The following TTLL5 variants were observed in gnomAD, a reference collection of about 807,000 sequenced individuals.
TTLL5 encodes the protein tubulin tyrosine ligase like 5.
Under a neutral mutation model 168.4 loss-of-function variants are expected in TTLL5, and 132 were observed. That is an observed-to-expected ratio of 0.78 (90% CI 0.68 to 0.91). The LOEUF is 0.91. Among genes scored for constraint, TTLL5 ranks in the 40% least tolerant of loss-of-function variants. The pLI is 0.00. For missense variants in TTLL5, 1,545 were observed against 1,581.5 expected (o/e 0.98, Z 0.39); for synonymous variants, 546 against 558.6 (o/e 0.98, Z 0.32).
intron 28 of TTLL5, among the ~76,000 whole-genome samples, chr14:75,845,339 C>T (rs1896486897): frequency 6.6e-6 from 1 of 152,192 alleles, no homozygotes; most frequent in Non-Finnish European, 1.5e-5. Context: ...TGGAATGAGA[C>T]ATACCGAAGG....
chr14:75,853,940 A>G (rs1466801965), intron 28 of TTLL5, among the ~76,000 whole-genome samples: 1 of 152,090 alleles, frequency 6.6e-6, no homozygotes, highest in Non-Finnish European at 1.5e-5. Flanking sequence ...TCTGCTCAAG[A>G]GGCTGAGGCA....
In TTLL5 at chr14:75,880,327, A is replaced by G. The variant is rs190416373; in HGVS notation, c.3523-2358A>G. On this transcript the variant is annotated intron_variant, in intron 29 of 31. Coordinates refer to ENST00000298832, the MANE Select transcript of TTLL5 (RefSeq NM_015072.5). ...GAAAAAATTATGAATTTGAAAATATAGTTGTCACCGTGGCAACATTTATTG... is the reference window on the plus strand; with the variant it reads ...GAAAAAATTATGAATTTGAAAATATGGTTGTCACCGTGGCAACATTTATTG... Among the ~76,000 whole-genome samples the G allele has an allele frequency of 1.9e-3, 294 of 152,366 alleles. 1 individual carries two copies. The highest frequency in any genetic ancestry group is 6.8e-3 in the Middle Eastern group (2 of 294).
intron 17 of TTLL5, among the ~76,000 whole-genome samples, chr14:75,746,052 C>T (rs1327038248): frequency 6.6e-6 from 1 of 152,084 alleles, no homozygotes; most frequent in Admixed American, 6.6e-5. Context: ...CCCTCGTAGC[C>T]CTCTTTATCC....
At chr14:75,733,254 T>C (rs560237754) in intron 13 of TTLL5, among the ~76,000 whole-genome samples, 76 of 152,292 alleles carry the variant, frequency 5.0e-4, no homozygotes, top group African/African-American at 1.7e-3. Flanking sequence ...AAGTATATTA[T>C]ACTATACTTT....
chr14:75,829,170 A>G (rs113606486), intron 28 of TTLL5, among the ~76,000 whole-genome samples: 2,677 of 152,282 alleles, frequency 0.018, 91 homozygotes, highest in African/African-American at 0.061. Flanking sequence ...CATGGAAAAG[A>G]AAAGGTGTGA....
At chr14:75,907,069 G>A (rs954419983) in intron 31 of TTLL5, among the ~76,000 whole-genome samples, 1 of 152,174 alleles carries the variant, frequency 6.6e-6, no homozygotes, top group Non-Finnish European at 1.5e-5. Context: ...AAAAGAGAAT[G>A]GATATTTATT....
chr14:75,893,691 G>A (rs1049597000), intron 30 of TTLL5, among the ~76,000 whole-genome samples: 1 of 151,926 alleles, frequency 6.6e-6, no homozygotes, highest in Non-Finnish European at 1.5e-5. Context: ...GGTGACGCAC[G>A]CCTGTAATCC....
chr14:75,801,776 A>G (rs1893338935), intron 27 of TTLL5, among the ~76,000 whole-genome samples: 2 of 152,198 alleles, frequency 1.3e-5, no homozygotes, highest in South Asian at 4.1e-4. Flanking sequence ...ATTCTGGTAT[A>G]TTTGTTTACT....
At chr14:75,760,817 CATAAT>C (rs1311025367) in intron 18 of TTLL5, among the ~76,000 whole-genome samples, 1 of 151,982 alleles carries the variant, frequency 6.6e-6, no homozygotes, top group Non-Finnish European at 1.5e-5. Context: ...TTGAAGAAAA[CATAAT>C]ATCTTTGTGA....
chr14:75,741,354 C>G (rs866970602), intron 15 of TTLL5, among the ~76,000 whole-genome samples: 7 of 152,230 alleles, frequency 4.6e-5, no homozygotes, highest in South Asian at 4.1e-4. Context: ...TTCAGAGGAC[C>G]TTACTTCCTT....
At chr14:75,798,204 C>T (rs1595059320) in intron 27 of TTLL5, among the ~76,000 whole-genome samples, 1 of 151,996 alleles carries the variant, frequency 6.6e-6, no homozygotes, top group Non-Finnish European at 1.5e-5. Flanking sequence ...TTATCCGTCT[C>T]CTCTAGGTTT....
intron 2 of TTLL5, among the ~76,000 whole-genome samples, chr14:75,668,661 A>G (rs1446632319): frequency 6.6e-6 from 1 of 152,180 alleles, no homozygotes; most frequent in Non-Finnish European, 1.5e-5. Context: ...TCCATTTAGC[A>G]TGGGCTTCCT....
chr14:75,822,715 A>G lies in TTLL5; in HGVS notation c.3326+2554A>G, dbSNP rs141946160. On this transcript the variant is annotated intron_variant, in intron 28 of 31. Coordinates refer to ENST00000298832, the MANE Select transcript of TTLL5 (RefSeq NM_015072.5). ...TTATGGATCACACAAGTTTTCATCA[A>G]ACGACCTTGTTCTCCCGCTGTTTTG... is the stretch of plus-strand genomic sequence containing the variant. Among the ~76,000 whole-genome samples, 331 of 152,322 alleles carry G rather than the reference A, an allele frequency of 2.2e-3. 1 individual carries two copies. The highest frequency in any genetic ancestry group is 7.5e-3 in the African/African-American group (313 of 41,576).
intron 18 of TTLL5, chr14:75,757,918 T>A: frequency 6.4e-7 from 1 of 1,558,972 alleles, no homozygotes; most frequent in Non-Finnish European, 8.7e-7. Flanking sequence ...GCATAATGTG[T>A]GACCATGCAC....
intron 29 of TTLL5, among the ~76,000 whole-genome samples, chr14:75,875,849 T>C (rs1342203231): frequency 6.6e-6 from 1 of 152,204 alleles, no homozygotes; most frequent in Non-Finnish European, 1.5e-5. Context: ...TGTATATGCA[T>C]AGAAAAACAT....
intron 31 of TTLL5, among the ~76,000 whole-genome samples, chr14:75,944,727 AAAT>A (rs1463776152): frequency 6.6e-6 from 1 of 152,164 alleles, no homozygotes; most frequent in Non-Finnish European, 1.5e-5. Context: ...TGTCTCTCTA[AAAT>A]AATAATCAGT....
At chr14:75,945,169 T>G (rs2034730323) in intron 31 of TTLL5, among the ~76,000 whole-genome samples, 2 of 150,780 alleles carry the variant, frequency 1.3e-5, no homozygotes, top group Non-Finnish European at 2.9e-5. Flanking sequence ...TTCCTTCCTT[T>G]TGTTCCTGCT....
At chr14:75,704,047 T>C (rs1201351657) in intron 7 of TTLL5, among the ~76,000 whole-genome samples, 1 of 152,220 alleles carries the variant, frequency 6.6e-6, no homozygotes, top group East Asian at 1.9e-4. Context: ...AGCCTACCAC[T>C]GTCCTTTCTA....
intron 20 of TTLL5, among the ~76,000 whole-genome samples, chr14:75,766,964 G>A (rs149880200): frequency 0.021 from 3,218 of 152,166 alleles, 54 homozygotes; most frequent in Non-Finnish European, 0.032. Context: ...AGGAGTTCGA[G>A]ACCAGCCTGA....
Sources: allele counts gnomAD v4.1 joint callset (sites outside exome capture counted in the v4.1 genomes callset), GRCh38; gene constraint gnomAD v4.1.1; transcripts MANE v1.5; gene names NCBI Gene and HGNC (gene_info 2026-07-23, HGNC 2026-07-21).